The following COL12A1 variants were observed in gnomAD, a reference collection of about 807,000 sequenced individuals.
COL12A1 encodes the protein collagen alpha-1(XII) chain.
Under a neutral mutation model 349.7 loss-of-function variants are expected in COL12A1, and 114 were observed. The ratio of observed to expected loss-of-function variants is 0.33; its 90% CI spans 0.28 to 0.38. COL12A1 has a LOEUF of 0.38. Among genes scored for constraint, COL12A1 ranks in the 10% least tolerant of loss-of-function variants. The pLI is 1.00. For synonymous variants in COL12A1, 1,369 were observed against 1,329.0 expected, an observed-to-expected ratio of 1.03 and a Z score of -0.66; for missense variants, 3,284 against 3,756.9, an observed-to-expected ratio of 0.87 and a Z score of 3.29.
intron 21 of COL12A1, 109 bp downstream of exon 21, chr6:75,151,032 A>T: frequency 1.1e-6 from 1 of 919,454 alleles, no homozygotes; most frequent in Non-Finnish European, 1.6e-6. Flanking sequence ...TCACACTGCT[A>T]AACATTTCAT....
intron 14 of COL12A1, among the ~76,000 whole-genome samples, chr6:75,162,099 G>A (rs1768054919): frequency 6.6e-6 from 1 of 152,124 alleles, no homozygotes; most frequent in Admixed American, 6.6e-5. Flanking sequence ...TAGATTTAAT[G>A]CTATCCCAAT....
intron 2 of COL12A1, among the ~76,000 whole-genome samples, chr6:75,196,724 C>G (rs984210281): frequency 6.6e-6 from 1 of 152,094 alleles, no homozygotes; most frequent in African/African-American, 2.4e-5. Flanking sequence ...AGCAATGGCT[C>G]AGGACAAATT....
Position 75,201,653 on chromosome 6 carries a change from T to A in COL12A1, c.73+1067A>T, listed in dbSNP as rs527891699. On this transcript the variant is annotated intron_variant, in intron 2 of 65. Coordinates refer to ENST00000322507, the MANE Select transcript of COL12A1 (RefSeq NM_004370.6). ...TGAAAAAAAAAAAAGATATCTTTCA[T>A]GACATTACCCCATTTTCTTTGCAGA... 1.3e-4 allele frequency among the ~76,000 whole-genome samples: 20 copies of A among 152,026 alleles called. 1 individual carries two copies. The South Asian group carries it at 3.7e-3, about 28-fold the overall frequency.
At chr6:75,149,009 C>T (rs1562226419) in intron 21 of COL12A1, among the ~76,000 whole-genome samples, 1 of 152,122 alleles carries the variant, frequency 6.6e-6, no homozygotes, top group South Asian at 2.1e-4. Flanking sequence ...CTCTCTCTTG[C>T]CTGCCACCAT....
chr6:75,147,489 G>C (rs1210850872), intron 23 of COL12A1, among the ~76,000 whole-genome samples, 186 bp downstream of exon 23: 2 of 152,178 alleles, frequency 1.3e-5, no homozygotes, highest in African/African-American at 4.8e-5. Flanking sequence ...CATGATGGCA[G>C]AATCAGCCAG....
chr6:75,089,380 C>T (rs1336006543), intron 63 of COL12A1, among the ~76,000 whole-genome samples: 1 of 152,036 alleles, frequency 6.6e-6, no homozygotes, highest in Admixed American at 6.5e-5. Flanking sequence ...AATTTGGCTA[C>T]AAGGCAGGGG....
chr6:75,089,765 G>C (rs1767668298), intron 63 of COL12A1, among the ~76,000 whole-genome samples: 1 of 152,110 alleles, frequency 6.6e-6, no homozygotes, highest in Non-Finnish European at 1.5e-5. Flanking sequence ...AAAACTCTAG[G>C]GCTGCCTAAG....
Position 75,130,857 on chromosome 6 carries a change from C to T in COL12A1, c.6062G>A (p.Arg2021Gln), listed in dbSNP as rs34438461. 894 of 1,613,982 alleles carry T rather than the reference C, an allele frequency of 5.5e-4. 3 individuals are homozygous for T. In the African/African-American group the frequency reaches 0.01, roughly 18 times the overall value. ...AGAAAGGATTTCTGCCTCACGCGTT[C>T]GGCCCTGGGCAGGGCTGGGATTTCC... ...GEGNPSPAQG[R>Q]TLPRSGPRNL... Residue 2021 changes from arginine (R) to glutamine (Q), a missense_variant, in exon 36 of 66, where the codon CGA (arginine) becomes CAA (glutamine). Physicochemically the swap from Arg to Gln is conservative, Grantham distance 43. Coordinates refer to ENST00000322507, the MANE Select transcript of COL12A1 (RefSeq NM_004370.6).
intron 54 of COL12A1, among the ~76,000 whole-genome samples, chr6:75,104,197 C>G (rs1187634604): frequency 2.0e-5 from 3 of 152,058 alleles, no homozygotes; most frequent in Non-Finnish European, 4.4e-5. Context: ...AGAACATGTA[C>G]TTAACAGGAA....
At position 75,156,462 on chromosome 6, in the gene COL12A1, T is replaced by A. The variant is rs770773320; in HGVS notation, c.3045A>T (p.Thr1015=). Residue 1015 remains threonine, a synonymous_variant, in exon 15 of 66, where the codon ACA becomes ACT. Coordinates refer to ENST00000322507, the MANE Select transcript of COL12A1 (RefSeq NM_004370.6). ...CGACTTTCCCTGGTGCTGGTTTCCATGTAACTCTCATTGTGTTTTCTGTTT... is the reference window on the plus strand; with the variant it reads ...CGACTTTCCCTGGTGCTGGTTTCCAAGTAACTCTCATTGTGTTTTCTGTTT... ...DEETENTMRV[T]WKPAPGKVVN... 2 of 1,613,916 alleles carry A rather than the reference T, an allele frequency of 1.2e-6. No individual in the cohort carries two copies. Among genetic ancestry groups the A allele is most frequent in the Non-Finnish European group, 1.7e-6 (2 of 1,179,898 alleles).
intron 27 of COL12A1, among the ~76,000 whole-genome samples, chr6:75,140,572 C>T (rs961366062): frequency 1.4e-5 from 2 of 143,942 alleles, no homozygotes; most frequent in African/African-American, 5.2e-5. Context: ...AGGATAATGG[C>T]GTGAACCTGG....
rs967726379 is a variant in COL12A1 at position 75,147,755 on chromosome 6, G to T, written c.4337C>A (p.Pro1446His). ...ETSTVLKDLKPETEYVVNVYS... is the reference protein window; with the variant it reads ...ETSTVLKDLKHETEYVVNVYS... ...CACATTGACAACATATTCAGTTTCA[G>T]GTTTCAGATCTTTCAGCACTGTGCT... Residue 1446 changes from proline (P) to histidine (H), a missense_variant, in exon 23 of 66, where the codon CCT becomes CAT. By Grantham distance (77) the Pro-to-His change is moderately conservative (BLOSUM62 -2). Coordinates refer to ENST00000322507, the MANE Select transcript of COL12A1 (RefSeq NM_004370.6). 1.2e-6 allele frequency: 2 copies of T among 1,613,330 alleles called. No individual in the cohort carries two copies. Among genetic ancestry groups the T allele is most frequent in the Admixed American group, 1.7e-5 (1 of 59,956 alleles).
intron 10 of COL12A1, among the ~76,000 whole-genome samples, chr6:75,182,211 AC>A (rs568949885): frequency 8.5e-4 from 129 of 151,582 alleles, no homozygotes; most frequent in Non-Finnish European, 1.5e-3. Flanking sequence ...AAAGGATGGG[AC>A]TTTTTATTAT....
intron 26 of COL12A1, among the ~76,000 whole-genome samples, chr6:75,142,564 G>T (rs1293751757): frequency 6.6e-6 from 1 of 152,196 alleles, no homozygotes; most frequent in African/African-American, 2.4e-5. Flanking sequence ...AATGCAGAAT[G>T]AAATAAATGT....
rs1767265245 is a variant in COL12A1 at position 75,147,613 on chromosome 6, G to C, written c.4417+62C>G. 1.2e-5 allele frequency: 17 copies of C among 1,453,552 alleles called. 1 individual carries two copies. The East Asian group carries it at 3.9e-4, about 33-fold the overall frequency. 90.0% of individuals were successfully genotyped at this position (1,453,552 alleles called of 1,614,324 possible). On this transcript the variant is annotated intron_variant, in intron 23 of 65. Transcript: ENST00000322507. Reference sequence around the variant, plus strand: ...AATTATTTGGAAGGTAGGCAAAAATGGGCCATCATGCTTTATCTTGGAAAA... The same window carrying C: ...AATTATTTGGAAGGTAGGCAAAAATCGGCCATCATGCTTTATCTTGGAAAA...
intron 31 of COL12A1, among the ~76,000 whole-genome samples, chr6:75,135,735 G>A (rs375348933): frequency 2.8e-4 from 43 of 152,172 alleles, no homozygotes; most frequent in East Asian, 1.4e-3. Context: ...AGTGAATCAC[G>A]GTCATCATCC....
intron 22 of COL12A1, 72 bp from the exon 23 acceptor site, chr6:75,147,876 G>A (rs1462010063): frequency 1.2e-5 from 18 of 1,496,524 alleles, no homozygotes; most frequent in Middle Eastern, 1.8e-4. Context: ...TACTTACAAA[G>A]TAGTTAACTG....
At position 75,174,269 on chromosome 6, in the gene COL12A1, G is replaced by C. The variant is rs369598345; in HGVS notation, c.2710+769C>G. ...CACTTAGAAAACAAATAGAAACTTG[G>C]ATTCTTGGCCAGGCGCGGTGGCTCA... On this transcript the variant is annotated intron_variant, in intron 13 of 65. Transcript: ENST00000322507. 4.6e-5 allele frequency among the ~76,000 whole-genome samples: 7 copies of C among 152,172 alleles called. No homozygotes were observed. In the East Asian group the frequency reaches 1.4e-3, roughly 29 times the overall value.
intron 21 of COL12A1, among the ~76,000 whole-genome samples, chr6:75,148,882 C>A (rs1767338144): frequency 6.6e-6 from 1 of 152,116 alleles, no homozygotes; most frequent in East Asian, 1.9e-4. Context: ...TGGGAGGGAC[C>A]CACAGGGAGA....
Sources: gnomAD v4.1 joint callset for allele counts (sites outside exome capture counted in the v4.1 genomes callset) on GRCh38, gnomAD v4.1.1 for gene constraint, MANE v1.5 for transcripts, NCBI Gene and HGNC (gene_info 2026-07-23, HGNC 2026-07-21) for gene names.